The following NPIPA6 variants were observed in gnomAD, a reference collection of about 807,000 sequenced individuals.
NPIPA6 encodes nuclear pore complex interacting protein family, member A6.
the NPIPA6 span, chr16:16,336,606 C>T: frequency 1.9e-4 from 41 of 215,606 alleles, no homozygotes; most frequent in Non-Finnish European, 3.4e-4. Flanking sequence ...CAACTCAGAT[C>T]GGGCCCGGTC....
the NPIPA6 span, chr16:16,334,177 TG>T: frequency 2.1e-6 from 2 of 940,970 alleles, no homozygotes; most frequent in Non-Finnish European, 3.1e-6. Flanking sequence ...CCGTCCATTG[TG>T]GGTAGCAATC....
chr16:16,337,176 G>A, the NPIPA6 span, among the ~76,000 whole-genome samples: 1 of 105,888 alleles, frequency 9.4e-6, no homozygotes, highest in Non-Finnish European at 1.9e-5. Context: ...AAACAAAACG[G>A]ACCAAAACAA....
chr16:16,343,665 G>A, the NPIPA6 span, among the ~76,000 whole-genome samples: 1 of 124,264 alleles, frequency 8.0e-6, no homozygotes, highest in Admixed American at 8.4e-5. Context: ...CAAAGTGCTG[G>A]GATTACAGGA....
At chr16:16,343,866 C>G in the NPIPA6 span, among the ~76,000 whole-genome samples, 42 of 32,368 alleles carry the variant, frequency 1.3e-3, no homozygotes, top group African/African-American at 6.8e-3. Flanking sequence ...ATTACAGGCG[C>G]CCACTGCCAT....
At chr16:16,338,288 G>A in the NPIPA6 span, among the ~76,000 whole-genome samples, 3 of 76,298 alleles carry the variant, frequency 3.9e-5, no homozygotes, top group Non-Finnish European at 6.8e-5. Flanking sequence ...GGAAGTCTTC[G>A]TCTTCACTCA....
chr16:16,336,616 C>T, the NPIPA6 span: 965 of 194,304 alleles, frequency 5.0e-3, 3 homozygotes, highest in South Asian at 0.017. Context: ...CGGGCCCGGT[C>T]CCCGTCCCCT....
the NPIPA6 span, chr16:16,332,129 T>C: frequency 2.1e-5 from 4 of 190,296 alleles, 1 homozygote; most frequent in South Asian, 1.2e-4. Flanking sequence ...TGAGCAGCCT[T>C]AGCTAGACTG....
chr16:16,343,919 C>A, the NPIPA6 span: 1 of 18,848 alleles, frequency 5.3e-5, no homozygotes, highest in South Asian at 2.0e-3. Context: ...GGGGTTTCAC[C>A]ATCTTGGCCA....
the NPIPA6 span, chr16:16,337,294 G>C: frequency 8.5e-6 from 1 of 118,294 alleles, no homozygotes; most frequent in Admixed American, 8.4e-5. Flanking sequence ...GCAAGATCTC[G>C]GCTCACTGCA....
the NPIPA6 span, among the ~76,000 whole-genome samples, chr16:16,339,110 A>G: frequency 4.1e-4 from 4 of 9,840 alleles, no homozygotes; most frequent in African/African-American, 7.4e-4. Context: ...AGGCAGGAGA[A>G]TCGCTTGAAC....
the NPIPA6 span, among the ~76,000 whole-genome samples, chr16:16,343,639 G>A: frequency 4.9e-3 from 514 of 104,604 alleles, no homozygotes; most frequent in Middle Eastern, 0.012. Context: ...CAGGTTATCC[G>A]CCTGCCTCGG....
At chr16:16,343,713 T>A in the NPIPA6 span, among the ~76,000 whole-genome samples, 4 of 81,506 alleles carry the variant, frequency 4.9e-5, no homozygotes, top group Non-Finnish European at 9.7e-5. Flanking sequence ...TTCTTGTGTG[T>A]TGTGTGTGTG....
chr16:16,335,979 G>C, the NPIPA6 span: 1 of 23,988 alleles, frequency 4.2e-5, no homozygotes, highest in Admixed American at 3.2e-4. Context: ...TGTAAAACCT[G>C]GCACTCTGCT....
the NPIPA6 span, among the ~76,000 whole-genome samples, chr16:16,343,714 TGTGTG>T: frequency 2.4e-5 from 1 of 41,310 alleles, no homozygotes; most frequent in Non-Finnish European, 4.8e-5. Flanking sequence ...TCTTGTGTGT[TGTGTG>T]TGTGTGTGTG....
At chr16:16,338,888 CAAGT>C in the NPIPA6 span, among the ~76,000 whole-genome samples, 64 of 51,924 alleles carry the variant, frequency 1.2e-3, no homozygotes, top group Non-Finnish European at 2.5e-3. Context: ...ATTTAAAAAA[CAAGT>C]AAATAACTAA....
chr16:16,343,661 G>A, the NPIPA6 span, among the ~76,000 whole-genome samples: 5 of 124,708 alleles, frequency 4.0e-5, no homozygotes, highest in East Asian at 2.8e-4. Flanking sequence ...CTCCCAAAGT[G>A]CTGGGATTAC....
the NPIPA6 span, among the ~76,000 whole-genome samples, chr16:16,338,405 A>G: frequency 8.6e-6 from 1 of 116,844 alleles, no homozygotes; most frequent in African/African-American, 3.9e-5. Flanking sequence ...TTTTTTTTTG[A>G]GACAGAGTCT....
At chr16:16,336,612 C>T in the NPIPA6 span, 98 of 200,846 alleles carry the variant, frequency 4.9e-4, 1 homozygote, top group South Asian at 7.7e-4. Context: ...AGATCGGGCC[C>T]GGTCCCCGTC....
At chr16:16,336,589 C>T in the NPIPA6 span, 68 of 224,354 alleles carry the variant, frequency 3.0e-4, no homozygotes, top group South Asian at 2.2e-3. Flanking sequence ...CCTCCCCTCC[C>T]CCTCCCCAAC....
Sources: gnomAD v4.1 joint callset for allele counts (sites outside exome capture counted in the v4.1 genomes callset) on GRCh38, gnomAD v4.1.1 for gene constraint, MANE v1.5 for transcripts, NCBI Gene and HGNC (gene_info 2026-07-23, HGNC 2026-07-21) for gene names.